The following CENPM variants were observed in gnomAD, a reference collection of about 807,000 sequenced individuals.
The protein encoded by CENPM is centromere protein M.
In CENPM, 14 loss-of-function variants were observed where a neutral mutation model predicts 19.6. That is an observed-to-expected ratio of 0.71 (90% confidence interval 0.47 to 1.11). CENPM has a LOEUF of 1.11. CENPM is among the 50% of genes most tolerant of loss of function. The pLI, the probability that CENPM is intolerant of heterozygous loss-of-function variation, is 0.00. For synonymous variants in CENPM, 114 were observed against 101.5 expected, an observed-to-expected ratio of 1.12 and a Z score of -0.74; for missense variants, 239 against 228.4, an observed-to-expected ratio of 1.05 and a Z score of -0.30.
At chr22:41,932,322 C>T in the CENPM span, among the ~76,000 whole-genome samples, 4 of 152,172 alleles carry the variant, frequency 2.6e-5, no homozygotes, top group African/African-American at 9.7e-5. This position sits in a 1 kb window ranked among gnomAD's most constrained non-coding sequence, Gnocchi z 4.3. Context: ...TGCCGTGGGC[C>T]TCGGTTCATT....
At chr22:41,931,314 TAA>T in the CENPM span, among the ~76,000 whole-genome samples, 3 of 140,400 alleles carry the variant, frequency 2.1e-5, no homozygotes, top group Non-Finnish European at 3.1e-5. Flanking sequence ...ATAAGAAATT[TAA>T]AAAAAAAAAA....
At chr22:41,928,217 A>C in the CENPM span, 1 of 374,190 alleles carries the variant, frequency 2.7e-6, no homozygotes, top group Non-Finnish European at 5.3e-6. This position sits in a 1 kb window ranked among gnomAD's most constrained non-coding sequence, Gnocchi z 4.0. Flanking sequence ...AAGCCCGCCC[A>C]CACCTGCTCC....
At chr22:41,928,218 C>G in the CENPM span, 2 of 373,640 alleles carry the variant, frequency 5.4e-6, no homozygotes, top group Admixed American at 6.0e-5. The surrounding 1 kb of genome is among the most constrained non-coding windows in gnomAD (Gnocchi z 4.0). Context: ...AGCCCGCCCA[C>G]ACCTGCTCCT....
chr22:41,946,066 A>C, intron 2 of CENPM, 61 bp from the exon 3 acceptor site: 2 of 1,399,486 alleles, frequency 1.4e-6, no homozygotes, highest in Non-Finnish European at 2.0e-6. Context: ...CGACCGTTTA[A>C]ATGCTGCCCT....
downstream of CENPM, among the ~76,000 whole-genome samples, chr22:41,936,539 G>A (rs1257292208): frequency 6.6e-6 from 1 of 152,222 alleles, no homozygotes; most frequent in Non-Finnish European, 1.5e-5. Context: ...GAAAGGGGCA[G>A]ATAGGGCCGC....
chr22:41,928,314 G>A, the CENPM span: 1 of 169,488 alleles, frequency 5.9e-6, no homozygotes, highest in Admixed American at 6.4e-5. This position sits in a 1 kb window ranked among gnomAD's most constrained non-coding sequence, Gnocchi z 4.0. Flanking sequence ...CCAGTGTTTG[G>A]GGTCCCCAAC....
chr22:41,939,920 GTCTC>G (rs1424084007), intron 5 of CENPM, among the ~76,000 whole-genome samples: 3 of 118,036 alleles, frequency 2.5e-5, no homozygotes, highest in African/African-American at 6.5e-5. Context: ...CTCCAGACCT[GTCTC>G]TCTATTTCTG....
At chr22:41,943,575 AG>A (rs1205966417) in intron 5 of CENPM, 34 bp downstream of exon 5, 1 of 1,577,258 alleles carries the variant, frequency 6.3e-7, no homozygotes. Context: ...CCCGCACCCG[AG>A]TATAGTGTTG....
rs2077720940 is a variant in CENPM at position 41,939,884 on chromosome 22, AAGAAAGAAAG to A, written c.403-698_403-689del. Among the ~76,000 whole-genome samples the A allele has an allele frequency of 2.1e-5, 2 of 93,440 alleles. 1 individual carries two copies. The highest frequency in any genetic ancestry group is 7.7e-4 in the South Asian group (2 of 2,614). 61.3% of individuals were successfully genotyped at this position (93,440 alleles called of 152,430 possible). A position where few individuals can be genotyped will look rare whatever the true frequency, so the allele number is the denominator to read the frequency against. On this transcript the variant is annotated intron_variant, in intron 5 of 5. Transcript: ENST00000215980. ...AGAAAGAAAGAAAGAAAGAAAAAGA[AAGAAAGAAAG>A]AAAGAAAGAAAGAGCCTCCAGACCT...
intron 3 of CENPM, 80 bp from the exon 4 acceptor site, chr22:41,945,384 C>A: frequency 6.3e-7 from 1 of 1,590,938 alleles, no homozygotes; most frequent in South Asian, 1.1e-5. Flanking sequence ...CCTTGCTTCT[C>A]TGATCCTAGA....
At chr22:41,946,056 C>T in intron 2 of CENPM, 51 bp from the exon 3 acceptor site, 2 of 1,482,406 alleles carry the variant, frequency 1.3e-6, no homozygotes, top group Non-Finnish European at 1.9e-6. Flanking sequence ...CCCCTCATAG[C>T]GACCGTTTAA....
chr22:41,937,725 A>C (rs961016427), downstream of CENPM, among the ~76,000 whole-genome samples: 1 of 152,176 alleles, frequency 6.6e-6, no homozygotes, highest in African/African-American at 2.4e-5. Context: ...GCAGAACCTC[A>C]TCTCCATTCA....
At chr22:41,942,332 C>T (rs1181981744) in intron 5 of CENPM, among the ~76,000 whole-genome samples, 1 of 152,180 alleles carries the variant, frequency 6.6e-6, no homozygotes, top group East Asian at 1.9e-4. Context: ...GGCTAAAGGC[C>T]AGGCTCCGTG....
downstream of CENPM, among the ~76,000 whole-genome samples, chr22:41,937,323 T>C (rs2077688042): frequency 6.6e-6 from 1 of 152,178 alleles, no homozygotes; most frequent in Non-Finnish European, 1.5e-5. Context: ...GGAGATAGAG[T>C]CTCGCTCCGC....
chr22:41,945,401 A>C (rs755570979), intron 3 of CENPM, 97 bp from the exon 4 acceptor site: 2 of 1,561,952 alleles, frequency 1.3e-6, no homozygotes, highest in Non-Finnish European at 1.7e-6. Flanking sequence ...TAGAGGCCAG[A>C]GAATGACAAG....
the CENPM span, among the ~76,000 whole-genome samples, chr22:41,931,228 G>A: frequency 4.0e-5 from 6 of 151,730 alleles, no homozygotes; most frequent in Non-Finnish European, 7.4e-5. Flanking sequence ...CAACACTTTG[G>A]GAGACCGAGG....
chr22:41,935,516 GC>G (rs1199751021), downstream of CENPM, among the ~76,000 whole-genome samples: 2 of 152,194 alleles, frequency 1.3e-5, no homozygotes, highest in Non-Finnish European at 2.9e-5. Flanking sequence ...TCCGGGCTCT[GC>G]TGCTACTGCC....
intron 2 of CENPM, 98 bp downstream of exon 2, chr22:41,946,319 C>T: frequency 9.6e-7 from 1 of 1,042,244 alleles, no homozygotes; most frequent in African/African-American, 1.6e-5. Flanking sequence ...GGACCAGCCT[C>T]AGAGGAGGGG....
chr22:41,934,549 G>A (rs1456871389), downstream of CENPM, among the ~76,000 whole-genome samples: 3 of 152,184 alleles, frequency 2.0e-5, no homozygotes, highest in Non-Finnish European at 4.4e-5. Context: ...CAATGACCAC[G>A]TCATGACCAT....
Sources: gnomAD v4.1 joint callset for allele counts (sites outside exome capture counted in the v4.1 genomes callset) on GRCh38, gnomAD v4.1.1 for gene constraint, Gnocchi (gnomAD v3.1) non-coding constraint, MANE v1.5 for transcripts, NCBI Gene and HGNC (gene_info 2026-07-23, HGNC 2026-07-21) for gene names.